CAST: variants seen among roughly 807,000 people sequenced by gnomAD.
CAST encodes calpastatin.
In CAST, 76 loss-of-function variants were observed where a neutral mutation model predicts 119.6. The ratio of observed to expected loss-of-function variants is 0.64; its 90% CI spans 0.53 to 0.77. The LOEUF is 0.77. Among genes scored for constraint, CAST ranks in the 30% least tolerant of loss-of-function variants. CAST has a pLI of 0.00. For missense variants in CAST, 953 were observed against 946.5 expected (o/e 1.01, Z -0.09); for synonymous variants, 319 against 331.6 (o/e 0.96, Z 0.41).
chr5:96,217,221 TATAGAGATGAGGTC>T, the CAST span, among the ~76,000 whole-genome samples: 81 of 149,612 alleles, frequency 5.4e-4, no homozygotes, highest in Middle Eastern at 3.4e-3. Context: ...TTTTTTTTTT[TATAGAGATGAGGTC>T]TTGCTTTGTT....
the CAST span, among the ~76,000 whole-genome samples, chr5:96,107,208 A>G: frequency 6.6e-6 from 1 of 151,994 alleles, no homozygotes. Context: ...TAATTGGAGC[A>G]TTTTGTCCAT....
intron 1 of CAST, among the ~76,000 whole-genome samples, chr5:96,557,796 C>T (rs921361054): frequency 1.7e-4 from 26 of 152,210 alleles, no homozygotes; most frequent in Middle Eastern, 3.4e-3. Flanking sequence ...GACAGATCAA[C>T]GAGACAGAAA....
At chr5:96,348,664 T>C in the CAST span, among the ~76,000 whole-genome samples, 1 of 151,748 alleles carries the variant, frequency 6.6e-6, no homozygotes, top group African/African-American at 2.4e-5. Flanking sequence ...AGTAAGAGGA[T>C]TGAGGATGGT....
the CAST span, among the ~76,000 whole-genome samples, chr5:96,013,980 A>G: frequency 6.6e-6 from 1 of 152,098 alleles, no homozygotes; most frequent in Admixed American, 6.6e-5. Flanking sequence ...TTATTTCTTA[A>G]TAATAAATTA....
the CAST span, among the ~76,000 whole-genome samples, chr5:96,518,119 C>G: frequency 1.3e-5 from 2 of 151,680 alleles, no homozygotes; most frequent in Admixed American, 1.3e-4. Context: ...AAGATGAAGT[C>G]TTTGTCTCTG....
At chr5:96,047,476 A>C in the CAST span, among the ~76,000 whole-genome samples, 1 of 152,240 alleles carries the variant, frequency 6.6e-6, no homozygotes, top group African/African-American at 2.4e-5. Flanking sequence ...GTTGTACTTC[A>C]GACTCTAACA....
the CAST span, among the ~76,000 whole-genome samples, chr5:96,445,318 G>C: frequency 6.6e-6 from 1 of 152,268 alleles, no homozygotes; most frequent in South Asian, 2.1e-4. Flanking sequence ...TGTGGTCCCA[G>C]CTACTACGCA....
At chr5:96,438,593 G>A in the CAST span, among the ~76,000 whole-genome samples, 23 of 152,098 alleles carry the variant, frequency 1.5e-4, no homozygotes, top group African/African-American at 5.6e-4. Flanking sequence ...GTTTTCTAAT[G>A]ATTAGGCTGG....
At chr5:96,447,626 G>A in the CAST span, among the ~76,000 whole-genome samples, 15 of 152,220 alleles carry the variant, frequency 9.9e-5, no homozygotes, top group African/African-American at 3.4e-4. Context: ...AATTTGACTG[G>A]GTTTACTTGG....
chr5:96,703,521 A>G (rs1754308414), intron 3 of CAST, among the ~76,000 whole-genome samples: 1 of 152,222 alleles, frequency 6.6e-6, no homozygotes, highest in African/African-American at 2.4e-5. Flanking sequence ...CTATCTTTTA[A>G]GAATACAAAG....
At chr5:96,687,535 G>T (rs1251522632) in intron 2 of CAST, among the ~76,000 whole-genome samples, 1 of 152,140 alleles carries the variant, frequency 6.6e-6, no homozygotes, top group Non-Finnish European at 1.5e-5. Flanking sequence ...AAATTTGTTT[G>T]TCTTAATCAT....
the CAST span, among the ~76,000 whole-genome samples, chr5:96,398,062 A>G: frequency 1.3e-5 from 2 of 152,188 alleles, no homozygotes; most frequent in Non-Finnish European, 2.9e-5. Flanking sequence ...TCAATTGATA[A>G]TAGTTCTATG....
the CAST span, among the ~76,000 whole-genome samples, chr5:96,498,521 T>C: frequency 6.6e-6 from 1 of 152,242 alleles, no homozygotes; most frequent in African/African-American, 2.4e-5. Flanking sequence ...AGCCATGTAA[T>C]TGCTATTGCA....
the CAST span, among the ~76,000 whole-genome samples, chr5:96,238,575 T>A: frequency 1.3e-5 from 2 of 149,660 alleles, no homozygotes; most frequent in African/African-American, 2.5e-5. Flanking sequence ...TTTTTTTGTA[T>A]TTTTAGTAGA....
At chr5:96,167,443 G>A in the CAST span, among the ~76,000 whole-genome samples, 4,292 of 152,290 alleles carry the variant, frequency 0.028, 187 homozygotes, top group African/African-American at 0.097. Context: ...CTAATAAAAA[G>A]GAGTGTCCAT....
chr5:96,040,162 G>A, the CAST span, among the ~76,000 whole-genome samples: 1 of 152,176 alleles, frequency 6.6e-6, no homozygotes, highest in African/African-American at 2.4e-5. Context: ...CTCATGATTT[G>A]GCTCTCTGTT....
intron 24 of CAST, chr5:96,761,426 T>C (rs993357750): frequency 9.2e-5 from 14 of 152,186 alleles, no homozygotes; most frequent in Admixed American, 3.3e-4. Context: ...AAGTATCTTA[T>C]AGTTATCTAA....
At chr5:96,171,962 CG>C in the CAST span, among the ~76,000 whole-genome samples, 11 of 144,690 alleles carry the variant, frequency 7.6e-5, no homozygotes, top group African/African-American at 2.7e-4. Flanking sequence ...CACCAAATTT[CG>C]GGACCAAATT....
chr5:96,325,145 G>A, the CAST span, among the ~76,000 whole-genome samples: 10 of 152,062 alleles, frequency 6.6e-5, no homozygotes, highest in South Asian at 8.3e-4. Flanking sequence ...TAGAGGTTGC[G>A]GTTACCTGAG....
Sources: gnomAD v4.1 joint callset for allele counts (sites outside exome capture counted in the v4.1 genomes callset) on GRCh38, gnomAD v4.1.1 for gene constraint, MANE v1.5 for transcripts, NCBI Gene and HGNC (gene_info 2026-07-23, HGNC 2026-07-21) for gene names.